The following DLAT variants were observed in gnomAD, a reference collection of about 807,000 sequenced individuals.
The protein encoded by DLAT is dihydrolipoamide S-acetyltransferase.
Under a neutral mutation model 68.0 loss-of-function variants are expected in DLAT, and 43 were observed. The ratio of observed to expected loss-of-function variants is 0.63; its 90% CI spans 0.50 to 0.81. The LOEUF is 0.81. Ranked by LOEUF, DLAT falls within the 40% of genes least tolerant of loss-of-function variation. The probability of loss-of-function intolerance (pLI) is 0.00; values close to 1 mark genes in which losing one functional copy is unlikely to be tolerated. For missense variants in DLAT, 745 were observed against 815.4 expected (o/e 0.91, Z 1.05); for synonymous variants, 265 against 288.6 (o/e 0.92, Z 0.83).
chr11:112,033,086 T>A (rs995262465), intron 4 of DLAT, among the ~76,000 whole-genome samples: 7 of 151,904 alleles, frequency 4.6e-5, no homozygotes, highest in African/African-American at 1.5e-4. Context: ...AAAATAAAAA[T>A]AGATGAAAAG....
At chr11:112,038,716 C>T (rs782551526) in intron 6 of DLAT, among the ~76,000 whole-genome samples, 16 of 151,240 alleles carry the variant, frequency 1.1e-4, no homozygotes, top group Non-Finnish European at 1.6e-4. Flanking sequence ...CGTGGTGGTG[C>T]GTGCCTTTAA....
In DLAT at chr11:112,064,292, CTA is replaced by C. The variant is rs1272208606; in HGVS notation, c.*1758_*1759del. On this transcript the variant is annotated 3_prime_UTR_variant, in exon 14 of 14. Coordinates refer to ENST00000280346, the MANE Select transcript of DLAT (RefSeq NM_001931.5). ...GTTAAAAATTAATCTGAGCTATAAT[CTA>C]AATCGATTCAGTCTCTTACCAGAAC... is the stretch of plus-strand genomic sequence containing the variant. The C allele has an allele frequency of 2.4e-5, 32 of 1,317,282 alleles. No homozygotes were observed. Among genetic ancestry groups the C allele is most frequent in the Non-Finnish European group, 2.9e-5 (28 of 979,062 alleles). 81.6% of individuals were successfully genotyped at this position (1,317,282 alleles called of 1,614,324 possible). A position where few individuals can be genotyped will look rare whatever the true frequency, so the allele number is the denominator to read the frequency against.
chr11:112,025,733 T>C lies in DLAT; in HGVS notation c.261T>C (p.Ser87=), dbSNP rs1555179164. The change falls in exon 1 of 14, where the codon AGT becomes AGC. Residue 87 remains serine, a synonymous_variant. Coordinates refer to ENST00000280346, the MANE Select transcript of DLAT (RefSeq NM_001931.5). ...LLGSPGRRYY[S]LPPHQKVPLP... is the part of the protein sequence containing the mutation. ...GGTCGCCCGGCCGCCGCTATTACAG[T>C]CTTCCCCCGCATCAGAAGGTGAGCC... 1 of 1,613,232 alleles carries C rather than the reference T, an allele frequency of 6.2e-7. No individual in the cohort carries two copies. The highest frequency in any genetic ancestry group is 1.7e-5 in the Admixed American group (1 of 60,018).
At chr11:112,027,419 G>A (rs1411355553) in intron 2 of DLAT, among the ~76,000 whole-genome samples, 3 of 151,402 alleles carry the variant, frequency 2.0e-5, no homozygotes, top group African/African-American at 4.9e-5. Context: ...TTCCAGACTG[G>A]GCAGCCAGGC....
intron 11 of DLAT, among the ~76,000 whole-genome samples, chr11:112,057,913 A>C (rs1321508231): frequency 1.3e-5 from 2 of 152,198 alleles, no homozygotes; most frequent in Non-Finnish European, 2.9e-5. Context: ...AGGTGTATAC[A>C]TTGGTTTTTT....
chr11:112,049,162 G>A (rs1342751658), intron 10 of DLAT, among the ~76,000 whole-genome samples: 1 of 151,816 alleles, frequency 6.6e-6, no homozygotes, highest in Non-Finnish European at 1.5e-5. Context: ...TGTATTTTTA[G>A]TAGAGACGGG....
Position 112,041,618 on chromosome 11 carries a change from C to A in DLAT, c.1130-1848C>A, listed in dbSNP as rs141101101. The stretch of plus-strand genomic sequence containing the variant: ...CCAGTGTTGGCCAGGCGCAATGGCT[C>A]ACGCCTGTAATCCCAGCACTTTGGG... On this transcript the variant is annotated intron_variant, in intron 7 of 13. Transcript: ENST00000280346. Among the ~76,000 whole-genome samples the A allele has an allele frequency of 6.9e-3, 1,046 of 152,300 alleles. 5 individuals carry two copies. The highest frequency in any genetic ancestry group is 0.051 in the Middle Eastern group (15 of 294).
At chr11:112,029,930 A>C (rs943043330) in intron 4 of DLAT, 11 of 748,882 alleles carry the variant, frequency 1.5e-5, no homozygotes, top group Non-Finnish European at 2.4e-5. Flanking sequence ...CTAGAAGTCC[A>C]TCAGTGATTT....
intron 4 of DLAT, among the ~76,000 whole-genome samples, chr11:112,031,352 G>A (rs1862382958): frequency 1.3e-5 from 2 of 152,226 alleles, no homozygotes; most frequent in East Asian, 1.9e-4. Context: ...TCTGATGTTT[G>A]GATATTATTG....
intron 6 of DLAT, 66 bp from the exon 7 acceptor site, chr11:112,039,178 C>G: frequency 6.7e-7 from 1 of 1,491,720 alleles, no homozygotes; most frequent in Non-Finnish European, 9.3e-7. Flanking sequence ...AAGATGTAAA[C>G]TTTTAATCTT....
chr11:112,042,316 T>C (rs2137777425), intron 7 of DLAT, among the ~76,000 whole-genome samples: 1 of 152,314 alleles, frequency 6.6e-6, no homozygotes, highest in East Asian at 1.9e-4. Flanking sequence ...AGGCAGGTGG[T>C]ACTATGGATT....
chr11:112,034,775 TTTTC>T (rs1862605623), intron 5 of DLAT, among the ~76,000 whole-genome samples: 1 of 150,934 alleles, frequency 6.6e-6, no homozygotes, highest in Non-Finnish European at 1.5e-5. Flanking sequence ...CACCCCCGCT[TTTTC>T]TTTTTTTTTT....
Position 112,025,620 on chromosome 11 carries a change from A to G in DLAT, c.148A>G (p.Thr50Ala), listed in dbSNP as rs782766563. The G allele has an allele frequency of 4.3e-6, 7 of 1,613,892 alleles. No individual in the cohort carries two copies. The highest frequency in any genetic ancestry group is 5.9e-6 in the Non-Finnish European group (7 of 1,179,986). The change falls in exon 1 of 14, where the codon ACA becomes GCA. Residue 50 changes from threonine (T) to alanine (A), a missense_variant. Transcript: ENST00000280346. ...PAPARRNSVT[T>A]GYGGVRALCG... is the part of the protein sequence containing the mutation. ...TCCCGCTCGTCGCAACAGCGTGACTACAGGGTATGGCGGGGTCCGGGCACT... is the reference window on the plus strand; with the variant it reads ...TCCCGCTCGTCGCAACAGCGTGACTGCAGGGTATGGCGGGGTCCGGGCACT...
At chr11:112,057,573 G>A (rs1555182715) in intron 11 of DLAT, among the ~76,000 whole-genome samples, 2 of 152,162 alleles carry the variant, frequency 1.3e-5, no homozygotes. Context: ...ATTAAACCAG[G>A]TACAGCATTC....
chr11:112,034,431 A>G (rs2137732773), intron 5 of DLAT, among the ~76,000 whole-genome samples: 1 of 151,460 alleles, frequency 6.6e-6, no homozygotes, highest in Middle Eastern at 3.4e-3. Context: ...AGACAATAAT[A>G]TATTTATTAT....
intron 7 of DLAT, among the ~76,000 whole-genome samples, chr11:112,040,597 A>G (rs1432296662): frequency 6.6e-6 from 1 of 152,200 alleles, no homozygotes; most frequent in Non-Finnish European, 1.5e-5. Context: ...TCTTGTAGTT[A>G]GAAGTCAAGC....
intron 9 of DLAT, among the ~76,000 whole-genome samples, 192 bp from the exon 10 acceptor site, chr11:112,045,671 T>A (rs1193647684): frequency 4.0e-5 from 6 of 148,650 alleles, no homozygotes; most frequent in African/African-American, 1.2e-4. Context: ...CTGGGCAACA[T>A]AGCGAGACTC....
intron 2 of DLAT, among the ~76,000 whole-genome samples, chr11:112,027,094 C>T (rs1555179400): frequency 6.6e-6 from 1 of 152,016 alleles, no homozygotes; most frequent in African/African-American, 2.4e-5. Context: ...ACGCTCCTCA[C>T]TTCCCAGACG....
At chr11:112,061,837 C>T (rs182910020) in intron 13 of DLAT, among the ~76,000 whole-genome samples, 10 of 152,288 alleles carry the variant, frequency 6.6e-5, no homozygotes, top group African/African-American at 2.4e-4. Flanking sequence ...CTCACCTCAG[C>T]CTTCCAAAGT....
Sources: allele counts gnomAD v4.1 joint callset (sites outside exome capture counted in the v4.1 genomes callset), GRCh38; gene constraint gnomAD v4.1.1; transcripts MANE v1.5; gene names NCBI Gene and HGNC (gene_info 2026-07-23, HGNC 2026-07-21).